The following ZDHHC2 variants were observed in gnomAD, a reference collection of about 807,000 sequenced individuals.
The protein encoded by ZDHHC2 is zDHHC palmitoyltransferase 2, also known as palmitoyltransferase ZDHHC2.
In ZDHHC2, 51 loss-of-function variants were observed where a neutral mutation model predicts 55.6. That is an observed-to-expected ratio of 0.92 (90% CI 0.73 to 1.16). The LOEUF is 1.16. Ranked by LOEUF, ZDHHC2 falls within the 50% of genes most tolerant of loss-of-function variation. The probability of loss-of-function intolerance (pLI) is 0.00; values close to 1 mark genes in which losing one functional copy is unlikely to be tolerated. For missense variants in ZDHHC2, 491 were observed against 442.4 expected (o/e 1.11, Z -0.99); for synonymous variants, 199 against 152.9 (o/e 1.30, Z -2.22).
Position 17,199,638 on chromosome 8 carries a change from C to CG in ZDHHC2, c.476+1225_476+1226insG, listed in dbSNP as rs1563161820. The stretch of plus-strand genomic sequence containing the variant: ...TTCTTCTTCTTCCTTTCTTCTTCTT[C>CG]TCCTCCTCCTCCTCCCTCCTCCCTC... On this transcript the variant is annotated intron_variant, in intron 6 of 12. Transcript: ENST00000262096. Among the ~76,000 whole-genome samples the CG allele has an allele frequency of 1.5e-3, 68 of 45,666 alleles. 1 individual carries two copies. The highest frequency in any genetic ancestry group is 0.019 in the Middle Eastern group (1 of 52). The allele number at this position is 45,666 out of a possible 152,430, so 30.0% of individuals were successfully genotyped here.
Position 17,205,597 on chromosome 8 carries a change from A to G in ZDHHC2, c.477-58A>G, listed in dbSNP as rs904213028. 3.3e-6 allele frequency: 5 copies of G among 1,493,720 alleles called. No individual in the cohort carries two copies. The African/African-American group carries it at 7.2e-5, about 21-fold the overall frequency. The allele number at this position is 1,493,720 out of a possible 1,614,324, so 92.5% of individuals were successfully genotyped here. A position where few individuals can be genotyped will look rare whatever the true frequency, so the allele number is the denominator to read the frequency against. ...GGAAGCTAAACACTTGCTTGAGCAT[A>G]TGCACATGTAGGTTGAAGATGTAAA... On this transcript the variant is annotated intron_variant, in intron 6 of 12. Coordinates refer to ENST00000262096, the MANE Select transcript of ZDHHC2 (RefSeq NM_016353.5).
intron 1 of ZDHHC2, among the ~76,000 whole-genome samples, chr8:17,168,807 T>TGTCAG (rs1804725135): frequency 6.6e-6 from 1 of 152,166 alleles, no homozygotes; most frequent in South Asian, 2.1e-4. Context: ...ACCTGTGTTG[T>TGTCAG]AGCATGTGTC....
chr8:17,182,864 C>T (rs1322359519), intron 1 of ZDHHC2, among the ~76,000 whole-genome samples: 2 of 152,050 alleles, frequency 1.3e-5, no homozygotes, highest in African/African-American at 2.4e-5. Context: ...CGGGTTCAAG[C>T]GATTCTCCTG....
intron 7 of ZDHHC2, among the ~76,000 whole-genome samples, chr8:17,206,714 G>C (rs1444492386): frequency 1.3e-5 from 2 of 152,028 alleles, no homozygotes; most frequent in Non-Finnish European, 2.9e-5. Context: ...TTAAAATTGA[G>C]GATTTAAGAT....
intron 9 of ZDHHC2, 148 bp downstream of exon 9, chr8:17,210,206 A>G (rs1807307850): frequency 1.8e-6 from 2 of 1,109,976 alleles, no homozygotes; most frequent in Non-Finnish European, 2.5e-6. Flanking sequence ...ATTCACCATA[A>G]TATCAGTGTG....
Position 17,215,285 on chromosome 8 carries a change from C to T in ZDHHC2, c.999C>T (p.Ser333=). Residue 333 remains serine (S), a synonymous_variant, in exon 11 of 13, where the codon AGC becomes AGT. Coordinates refer to ENST00000262096, the MANE Select transcript of ZDHHC2 (RefSeq NM_016353.5). ...FPAKPLRESQ[S]HLLTDSQSWT... Reference sequence around the variant, plus strand: ...CAAAGCCATTGAGAGAGTCCCAGAGCCACCTTCTTACTGATTCTCAGTCTT... The same window carrying T: ...CAAAGCCATTGAGAGAGTCCCAGAGTCACCTTCTTACTGATTCTCAGTCTT... 2 of 1,602,238 alleles carry T rather than the reference C, an allele frequency of 1.2e-6. No homozygotes were observed. The highest frequency in any genetic ancestry group is 1.7e-6 in the Non-Finnish European group (2 of 1,174,160).
At chr8:17,215,826 C>T (rs1005666777) in intron 11 of ZDHHC2, among the ~76,000 whole-genome samples, 4 of 152,144 alleles carry the variant, frequency 2.6e-5, no homozygotes, top group Non-Finnish European at 5.9e-5. Flanking sequence ...ACTCACATTC[C>T]TCTTGTTACT....
chr8:17,217,085 G>C, intron 11 of ZDHHC2, 87 bp from the exon 12 acceptor site: 1 of 1,326,472 alleles, frequency 7.5e-7, no homozygotes, highest in Non-Finnish European at 1.1e-6. Flanking sequence ...AGTCTACCAA[G>C]GGATTCCTTA....
At chr8:17,195,065 C>G (rs1037022023) in intron 3 of ZDHHC2, among the ~76,000 whole-genome samples, 41 of 152,206 alleles carry the variant, frequency 2.7e-4, no homozygotes, top group Middle Eastern at 3.4e-3. Context: ...AGGATTATCC[C>G]TAAGTTAAAA....
intron 3 of ZDHHC2, among the ~76,000 whole-genome samples, chr8:17,187,039 T>C (rs1377535128): frequency 6.6e-6 from 1 of 152,208 alleles, no homozygotes; most frequent in Non-Finnish European, 1.5e-5. Context: ...GAACACTTTC[T>C]AGACATTGCT....
At chr8:17,193,942 C>A (rs1036258091) in intron 3 of ZDHHC2, among the ~76,000 whole-genome samples, 10 of 152,304 alleles carry the variant, frequency 6.6e-5, no homozygotes, top group African/African-American at 2.4e-4. Context: ...ACGACAGGCC[C>A]TGGTGTGTGA....
chr8:17,222,222 C>A lies in ZDHHC2; in HGVS notation c.*2001C>A, dbSNP rs1807955085. On this transcript the variant is annotated 3_prime_UTR_variant, in exon 13 of 13. Coordinates refer to ENST00000262096, the MANE Select transcript of ZDHHC2 (RefSeq NM_016353.5). ...AAACAATTTCATTGTTGTAATTGTTCCCTTTCTGTTTTCATATAGTGAATA... is the reference window on the plus strand; with the variant it reads ...AAACAATTTCATTGTTGTAATTGTTACCTTTCTGTTTTCATATAGTGAATA... The A allele has an allele frequency of 6.6e-6, 1 of 151,542 alleles. No individual in the cohort carries two copies. The highest frequency in any genetic ancestry group is 1.9e-4 in the East Asian group (1 of 5,156). The allele number at this position is 151,542 out of a possible 1,614,324, so 9.4% of individuals were successfully genotyped here. A position where few individuals can be genotyped will look rare whatever the true frequency, so the allele number is the denominator to read the frequency against.
At chr8:17,170,781 T>G (rs983390831) in intron 1 of ZDHHC2, among the ~76,000 whole-genome samples, 2 of 152,204 alleles carry the variant, frequency 1.3e-5, no homozygotes, top group African/African-American at 4.8e-5. Flanking sequence ...CTACAAAAAT[T>G]GTTTCAACTT....
rs536372004 is a variant in ZDHHC2 at position 17,158,322 on chromosome 8, TA to T, written c.130+1474del. ...GTTGTGTTTCATTCCTTCGTCCTCT[TA>T]AAAACAGTGACCAGTATCGATTAAT... On this transcript the variant is annotated intron_variant, in intron 1 of 12. Transcript: ENST00000262096. 1.8e-4 allele frequency among the ~76,000 whole-genome samples: 28 copies of T among 152,340 alleles called. No homozygotes were observed. In the South Asian group the frequency reaches 5.2e-3, roughly 28 times the overall value.
At position 17,156,715 on chromosome 8, in the gene ZDHHC2, G is replaced by T. The variant is rs562281126; in HGVS notation, c.-9G>T. ...GCGGCGGAGCTGGGCAGGTGGATGC[G>T]GCTGGAAGATGGCGCCCTCGGGCCC... On this transcript the variant is annotated 5_prime_UTR_variant, in exon 1 of 13. Transcript: ENST00000262096. 277 of 1,464,374 alleles carry T rather than the reference G, an allele frequency of 1.9e-4. 2 individuals are homozygous for T. The South Asian group carries it at 3.4e-3, about 18-fold the overall frequency. 90.7% of individuals were successfully genotyped at this position (1,464,374 alleles called of 1,614,324 possible).
chr8:17,214,100 T>C (rs1482513331), intron 10 of ZDHHC2, among the ~76,000 whole-genome samples: 1 of 152,342 alleles, frequency 6.6e-6, no homozygotes, highest in East Asian at 1.9e-4. Context: ...GTTTTTTTCT[T>C]TTGAATACTG....
intron 12 of ZDHHC2, among the ~76,000 whole-genome samples, chr8:17,217,550 T>C (rs906249618): frequency 6.6e-6 from 1 of 152,166 alleles, no homozygotes. Context: ...GTAAAAATTA[T>C]CTTGTCATTT....
chr8:17,198,523 TAGC>T (rs1806443037), intron 6 of ZDHHC2, 110 bp downstream of exon 6: 2 of 1,008,336 alleles, frequency 2.0e-6, no homozygotes, highest in Non-Finnish European at 1.4e-6. Context: ...TGAGTTGACA[TAGC>T]AGGAACTTTT....
chr8:17,173,745 C>T (rs1253295880), intron 1 of ZDHHC2, among the ~76,000 whole-genome samples: 4 of 151,748 alleles, frequency 2.6e-5, no homozygotes, highest in Non-Finnish European at 4.4e-5. Flanking sequence ...AGAGAGCATT[C>T]AACAAATGCT....
Sources: gnomAD v4.1 joint callset for allele counts (sites outside exome capture counted in the v4.1 genomes callset) on GRCh38, gnomAD v4.1.1 for gene constraint, MANE v1.5 for transcripts, NCBI Gene and HGNC (gene_info 2026-07-23, HGNC 2026-07-21) for gene names.